The following ROR1 variants were observed in gnomAD, a reference collection of about 807,000 sequenced individuals.
ROR1 encodes the protein inactive tyrosine-protein kinase transmembrane receptor ROR1.
A neutral mutation model predicts 78.8 loss-of-function variants in ROR1; 19 were observed. The observed-to-expected ratio is 0.24, with a 90% CI of 0.17 to 0.35. The LOEUF is 0.35. Ranked by LOEUF, ROR1 falls within the 10% of genes least tolerant of loss-of-function variation. The probability of loss-of-function intolerance (pLI) is 1.00; values close to 1 mark genes in which losing one functional copy is unlikely to be tolerated. For synonymous variants in ROR1, 386 were observed against 433.6 expected (o/e 0.89, Z 1.36); for missense variants, 917 against 1,177.8 (o/e 0.78, Z 3.24).
At chr1:63,970,154 C>G (rs1485747563) in intron 1 of ROR1, among the ~76,000 whole-genome samples, 1 of 152,092 alleles carries the variant, frequency 6.6e-6, no homozygotes, top group Non-Finnish European at 1.5e-5. Flanking sequence ...ACACTACTTC[C>G]TCCAGGAAAT....
At chr1:63,922,797 G>C (rs1433714838) in intron 1 of ROR1, among the ~76,000 whole-genome samples, 1 of 152,122 alleles carries the variant, frequency 6.6e-6, no homozygotes, top group African/African-American at 2.4e-5. Flanking sequence ...AGGGTTAAGA[G>C]ACTTATACAC....
chr1:63,942,966 G>A (rs1484969703), intron 1 of ROR1, among the ~76,000 whole-genome samples: 1 of 151,692 alleles, frequency 6.6e-6, no homozygotes, highest in Non-Finnish European at 1.5e-5. Flanking sequence ...GGAGCGTGAC[G>A]ATTGTCCCAG....
At chr1:64,089,014 T>C (rs955351536) in intron 4 of ROR1, among the ~76,000 whole-genome samples, 16 of 152,026 alleles carry the variant, frequency 1.1e-4, no homozygotes, top group African/African-American at 3.6e-4. Flanking sequence ...ATACTTTAAA[T>C]AATAAAAATA....
chr1:63,924,919 A>G (rs1000257339), intron 1 of ROR1, among the ~76,000 whole-genome samples: 1 of 145,162 alleles, frequency 6.9e-6, no homozygotes, highest in Non-Finnish European at 1.5e-5. Flanking sequence ...GGATTGGACC[A>G]GCAAAGGGGA....
At chr1:64,057,645 C>T (rs750442750) in intron 4 of ROR1, among the ~76,000 whole-genome samples, 1 of 152,052 alleles carries the variant, frequency 6.6e-6, no homozygotes, top group Non-Finnish European at 1.5e-5. Context: ...GGATGACCTC[C>T]TACAACCAGT....
intron 1 of ROR1, among the ~76,000 whole-genome samples, chr1:63,869,967 T>C (rs1318546623): frequency 1.3e-5 from 2 of 152,246 alleles, no homozygotes; most frequent in African/African-American, 4.8e-5. Context: ...TGCCACATAA[T>C]TATACACTCT....
intron 1 of ROR1, among the ~76,000 whole-genome samples, chr1:64,005,181 G>A (rs920821997): frequency 1.3e-5 from 2 of 152,160 alleles, no homozygotes; most frequent in African/African-American, 2.4e-5. Flanking sequence ...TCCATGCAGA[G>A]GATGGCCACT....
intron 1 of ROR1, among the ~76,000 whole-genome samples, chr1:63,790,272 T>G (rs535393566): frequency 2.1e-4 from 32 of 152,340 alleles, no homozygotes; most frequent in Admixed American, 1.3e-4. Context: ...TTACTTTTAC[T>G]AAGCATTGTT....
At chr1:64,007,087 G>T (rs1349503783) in intron 1 of ROR1, among the ~76,000 whole-genome samples, 1 of 152,006 alleles carries the variant, frequency 6.6e-6, no homozygotes, top group Admixed American at 6.5e-5. Context: ...GCTGCCAGAA[G>T]GTGTGGAGTG....
chr1:64,052,715 A>T (rs144761915), intron 4 of ROR1, among the ~76,000 whole-genome samples: 1 of 152,220 alleles, frequency 6.6e-6, no homozygotes, highest in Non-Finnish European at 1.5e-5. Flanking sequence ...CGGTAATAGC[A>T]TGAAATGTAT....
intron 1 of ROR1, among the ~76,000 whole-genome samples, chr1:63,832,196 C>G (rs1644992735): frequency 6.6e-6 from 1 of 152,182 alleles, no homozygotes; most frequent in South Asian, 2.1e-4. Flanking sequence ...CCCACATCTT[C>G]CTGTCTTCTT....
chr1:63,805,841 T>C (rs1160302346), intron 1 of ROR1, among the ~76,000 whole-genome samples: 1 of 152,058 alleles, frequency 6.6e-6, no homozygotes, highest in East Asian at 1.9e-4. Context: ...CATAGCAAGA[T>C]CCTGTCTCTA....
chr1:63,870,407 C>T (rs965802474), intron 1 of ROR1, among the ~76,000 whole-genome samples: 2 of 152,110 alleles, frequency 1.3e-5, no homozygotes, highest in Non-Finnish European at 2.9e-5. Context: ...CTTCATTGTC[C>T]AAGGCTATGT....
intron 1 of ROR1, among the ~76,000 whole-genome samples, chr1:63,835,466 A>T (rs948071851): frequency 6.6e-6 from 1 of 152,202 alleles, no homozygotes. Context: ...GATGAGTAAG[A>T]GGAAGTCCCT....
chr1:64,043,667 A>G (rs575197528), intron 2 of ROR1, among the ~76,000 whole-genome samples: 1 of 152,306 alleles, frequency 6.6e-6, no homozygotes, highest in African/African-American at 2.4e-5. Flanking sequence ...GGTGCAAAGG[A>G]CAATGAAAGA....
At position 63,848,994 on chromosome 1, in the gene ROR1, C is replaced by T. The variant is rs115606264; in HGVS notation, c.91+74486C>T. On this transcript the variant is annotated intron_variant, in intron 1 of 8. Coordinates refer to ENST00000371079, the MANE Select transcript of ROR1 (RefSeq NM_005012.4). ...ACTTATTGATATGTCAGGCTGTGGG[C>T]GGCATCCTGGGGTCTGTTATGGCAA... 3.1e-3 allele frequency among the ~76,000 whole-genome samples: 468 copies of T among 152,202 alleles called. 3 individuals are homozygous for T. The highest frequency in any genetic ancestry group is 0.011 in the African/African-American group (450 of 41,520).
At chr1:63,858,797 A>G (rs542622959) in intron 1 of ROR1, among the ~76,000 whole-genome samples, 1 of 152,260 alleles carries the variant, frequency 6.6e-6, no homozygotes, top group South Asian at 2.1e-4. Flanking sequence ...ACTTGTAATT[A>G]TGTCTATTAG....
intron 1 of ROR1, among the ~76,000 whole-genome samples, chr1:63,781,781 C>T (rs769977558): frequency 2.0e-5 from 3 of 152,164 alleles, no homozygotes; most frequent in Non-Finnish European, 4.4e-5. Flanking sequence ...GATTTATCTG[C>T]CTCTAAAACC....
rs1644602616 is a variant in ROR1 at position 63,774,674 on chromosome 1, C to T, written c.91+166C>T. The stretch of plus-strand genomic sequence containing the variant: ...GGCGCCGCCAGGCCAGGGTTTGCCC[C>T]GGAGCCCCGCCAGGCCAGGGTTTGC... On this transcript the variant is annotated intron_variant, in intron 1 of 8. Coordinates refer to ENST00000371079, the MANE Select transcript of ROR1 (RefSeq NM_005012.4). This position sits in a 1 kb window ranked among gnomAD's most constrained non-coding sequence, Gnocchi z 5.7. Among the ~76,000 whole-genome samples, 1 of 150,618 alleles carries T rather than the reference C, an allele frequency of 6.6e-6. No individual in the cohort carries two copies. The highest frequency in any genetic ancestry group is 6.6e-5 in the Admixed American group (1 of 15,086).
Sources: gnomAD v4.1 joint callset for allele counts (sites outside exome capture counted in the v4.1 genomes callset) on GRCh38, gnomAD v4.1.1 for gene constraint, Gnocchi (gnomAD v3.1) non-coding constraint, MANE v1.5 for transcripts, NCBI Gene and HGNC (gene_info 2026-07-23, HGNC 2026-07-21) for gene names.